CNTN5: variants seen among roughly 807,000 people sequenced by gnomAD.
CNTN5 encodes the protein contactin 5.
CNTN5 carries 77 observed loss-of-function variants against 129.1 expected under a neutral mutation model. That is an observed-to-expected ratio of 0.60 (90% CI 0.50 to 0.72). The LOEUF (loss-of-function observed/expected upper bound fraction) is 0.72, where lower values mean the gene tolerates loss of function less well. Ranked by LOEUF, CNTN5 falls within the 30% of genes least tolerant of loss-of-function variation. The pLI, the probability that CNTN5 is intolerant of heterozygous loss-of-function variation, is 0.00. For synonymous variants in CNTN5, 509 were observed against 465.6 expected, an observed-to-expected ratio of 1.09 and a Z score of -1.20; for missense variants, 1,478 against 1,328.8, an observed-to-expected ratio of 1.11 and a Z score of -1.75.
chr11:99,187,421 C>T (rs976588442), intron 1 of CNTN5, among the ~76,000 whole-genome samples: 30 of 124,722 alleles, frequency 2.4e-4, no homozygotes, highest in African/African-American at 7.5e-4. Context: ...ATACAAATTA[C>T]AATTTGTTAT....
chr11:100,182,932 T>G (rs1004634585), intron 13 of CNTN5, among the ~76,000 whole-genome samples: 1 of 151,676 alleles, frequency 6.6e-6, no homozygotes, highest in African/African-American at 2.4e-5. Flanking sequence ...TCTTGAAATC[T>G]AATGAATAAA....
intron 21 of CNTN5, among the ~76,000 whole-genome samples, chr11:100,313,585 A>G (rs1388459250): frequency 1.3e-5 from 2 of 152,092 alleles, no homozygotes; most frequent in Non-Finnish European, 2.9e-5. Flanking sequence ...GCAGTAGAAC[A>G]TGCCAGTTTG....
chr11:99,713,283 G>GT (rs982803421), intron 3 of CNTN5, among the ~76,000 whole-genome samples: 9 of 151,932 alleles, frequency 5.9e-5, no homozygotes, highest in Non-Finnish European at 1.2e-4. Context: ...TTGGCTCTCT[G>GT]TTTTTTGTTG....
chr11:99,260,911 G>T (rs547654158), intron 1 of CNTN5, among the ~76,000 whole-genome samples: 1 of 151,842 alleles, frequency 6.6e-6, no homozygotes, highest in Admixed American at 6.6e-5. Context: ...CAAACTCTTC[G>T]GAAGCAAGAT....
chr11:99,539,672 T>C (rs1360583749), intron 2 of CNTN5, among the ~76,000 whole-genome samples: 2 of 152,120 alleles, frequency 1.3e-5, no homozygotes, highest in Non-Finnish European at 2.9e-5. Context: ...CAGGAACATG[T>C]CCAGCTGAGA....
Position 99,382,845 on chromosome 11 carries a change from C to CATTTTTTTTTTT in CNTN5, c.-71+57361_-71+57362insATTTTTTTTTTT, listed in dbSNP as rs1417732458. Among the ~76,000 whole-genome samples, 9 of 77,046 alleles carry CATTTTTTTTTTT rather than the reference C, an allele frequency of 1.2e-4. 1 individual carries two copies. Among genetic ancestry groups the CATTTTTTTTTTT allele is most frequent in the Admixed American group, 4.4e-4 (2 of 4,596 alleles). The allele number at this position is 77,046 out of a possible 152,430, so 50.5% of individuals were successfully genotyped here. A position where few individuals can be genotyped will look rare whatever the true frequency, so the allele number is the denominator to read the frequency against. On this transcript the variant is annotated intron_variant, in intron 2 of 24. Coordinates refer to ENST00000524871, the MANE Select transcript of CNTN5 (RefSeq NM_014361.4). ...ACATCTCACTAGTGTCTCTAAATAA[C>CATTTTTTTTTTT]TTTTTTTTTTTTTTTTTTTTTTTTT...
At chr11:100,208,592 G>A (rs1021094394) in intron 15 of CNTN5, among the ~76,000 whole-genome samples, 4 of 152,092 alleles carry the variant, frequency 2.6e-5, no homozygotes, top group African/African-American at 7.2e-5. Flanking sequence ...GATTTAAAGG[G>A]TAAGGAAATA....
chr11:99,687,090 T>G (rs937691029), intron 3 of CNTN5, among the ~76,000 whole-genome samples: 1 of 152,136 alleles, frequency 6.6e-6, no homozygotes, highest in Admixed American at 6.5e-5. Flanking sequence ...AGAATCCTCA[T>G]AGTTATTTAT....
At chr11:99,355,659 G>T (rs960454757) in intron 2 of CNTN5, among the ~76,000 whole-genome samples, 1 of 152,014 alleles carries the variant, frequency 6.6e-6, no homozygotes, top group Non-Finnish European at 1.5e-5. Flanking sequence ...TTGAAAAGTG[G>T]TTTTCTTCAA....
At chr11:99,781,563 T>C (rs1945311864) in intron 3 of CNTN5, among the ~76,000 whole-genome samples, 1 of 152,056 alleles carries the variant, frequency 6.6e-6, no homozygotes, top group East Asian at 1.9e-4. Context: ...TATATGCACA[T>C]GCTTACCCTC....
At chr11:99,322,846 T>C (rs1162473560) in intron 1 of CNTN5, among the ~76,000 whole-genome samples, 1 of 152,222 alleles carries the variant, frequency 6.6e-6, no homozygotes, top group East Asian at 1.9e-4. Flanking sequence ...TTTACAATTT[T>C]AGGCTATTTT....
intron 9 of CNTN5, among the ~76,000 whole-genome samples, chr11:100,021,372 TTTCTGTCTAGTTC>T (rs1941136233): frequency 6.6e-6 from 1 of 152,192 alleles, no homozygotes; most frequent in South Asian, 2.1e-4. Flanking sequence ...TCTTTATTGA[TTTCTGTCTAGTTC>T]TTCTGTAAGT....
intron 2 of CNTN5, among the ~76,000 whole-genome samples, chr11:99,407,043 C>T (rs1240219500): frequency 6.6e-6 from 1 of 152,034 alleles, no homozygotes; most frequent in Non-Finnish European, 1.5e-5. Flanking sequence ...TGTTCTATCC[C>T]CCTGTGGCCA....
intron 2 of CNTN5, among the ~76,000 whole-genome samples, chr11:99,353,129 A>C (rs1017292430): frequency 6.6e-6 from 1 of 152,168 alleles, no homozygotes; most frequent in Non-Finnish European, 1.5e-5. Context: ...AAATAGAAAG[A>C]CACTATACAA....
At chr11:99,248,735 T>G (rs994860018) in intron 1 of CNTN5, among the ~76,000 whole-genome samples, 8 of 152,192 alleles carry the variant, frequency 5.3e-5, no homozygotes, top group Non-Finnish European at 1.0e-4. Context: ...CTTTCCCCAT[T>G]TCTTGTTTTT....
At chr11:99,961,222 A>AAAAC (rs1950938276) in intron 8 of CNTN5, among the ~76,000 whole-genome samples, 1 of 140,294 alleles carries the variant, frequency 7.1e-6, no homozygotes, top group African/African-American at 2.5e-5. Flanking sequence ...AAAAAAAAAA[A>AAAAC]AAACAGTAGA....
At chr11:100,144,222 T>G (rs982247122) in intron 13 of CNTN5, among the ~76,000 whole-genome samples, 2 of 152,150 alleles carry the variant, frequency 1.3e-5, no homozygotes, top group Admixed American at 6.6e-5. Context: ...TTTTTTTATT[T>G]TATTTTTTTA....
At chr11:99,779,833 G>A (rs1228675085) in intron 3 of CNTN5, among the ~76,000 whole-genome samples, 1 of 151,932 alleles carries the variant, frequency 6.6e-6, no homozygotes, top group Non-Finnish European at 1.5e-5. Context: ...AGAACTATAA[G>A]TTCTCAGTGG....
Position 99,346,115 on chromosome 11 carries a change from T to C in CNTN5, c.-71+20631T>C, listed in dbSNP as rs144780381. 2.6e-3 allele frequency among the ~76,000 whole-genome samples: 395 copies of C among 152,290 alleles called. 5 individuals are homozygous for C. The highest frequency in any genetic ancestry group is 8.1e-4 in the Non-Finnish European group (55 of 68,024). On this transcript the variant is annotated intron_variant, in intron 2 of 24. Transcript: ENST00000524871. ...TATCATTATTATAGCACAGATCTAA[T>C]TCTATATTTGACTTTTTCACTCCAC... is the stretch of plus-strand genomic sequence containing the variant.
Sources: allele counts gnomAD v4.1 joint callset (sites outside exome capture counted in the v4.1 genomes callset), GRCh38; gene constraint gnomAD v4.1.1; transcripts MANE v1.5; gene names NCBI Gene and HGNC (gene_info 2026-07-23, HGNC 2026-07-21).